Variants in NOX4 observed in about 807,000 individuals in gnomAD.
The protein encoded by NOX4 is kidney oxidase-1.
A neutral mutation model predicts 87.6 loss-of-function variants in NOX4; 69 were observed. That is an observed-to-expected ratio of 0.79 (90% CI 0.65 to 0.96). The LOEUF (loss-of-function observed/expected upper bound fraction) is 0.96. NOX4 is among the 40% of genes least tolerant of loss of function. The probability of loss-of-function intolerance (pLI) is 0.00; values close to 1 mark genes in which losing one functional copy is unlikely to be tolerated. For synonymous variants in NOX4, 275 were observed against 238.2 expected (o/e 1.15, Z -1.42); for missense variants, 680 against 681.5 (o/e 1.00, Z 0.02).
the NOX4 span, among the ~76,000 whole-genome samples, chr11:89,541,318 C>A: frequency 6.6e-6 from 1 of 152,080 alleles, no homozygotes; most frequent in Non-Finnish European, 1.5e-5. Flanking sequence ...AAATTTCCAC[C>A]ACTCCCTAAG....
At chr11:89,376,642 G>C (rs527243360) in intron 11 of NOX4, among the ~76,000 whole-genome samples, 1 of 152,148 alleles carries the variant, frequency 6.6e-6, no homozygotes, top group Non-Finnish European at 1.5e-5. Flanking sequence ...TAGCACTTTG[G>C]GAGGCCGGGG....
the NOX4 span, among the ~76,000 whole-genome samples, chr11:89,565,644 A>C: frequency 6.6e-6 from 1 of 151,994 alleles, no homozygotes; most frequent in East Asian, 1.9e-4. Context: ...GATAAGAAAA[A>C]TTTTTGCACC....
At chr11:89,527,427 C>T in the NOX4 span, among the ~76,000 whole-genome samples, 1 of 152,130 alleles carries the variant, frequency 6.6e-6, no homozygotes, top group Non-Finnish European at 1.5e-5. Context: ...ATCAGCAAGA[C>T]AACAGAAATA....
At chr11:89,401,698 G>A (rs2135184777) in intron 9 of NOX4, among the ~76,000 whole-genome samples, 1 of 152,144 alleles carries the variant, frequency 6.6e-6, no homozygotes, top group East Asian at 1.9e-4. Context: ...AAAGACCTGG[G>A]TTTACATGCT....
chr11:89,527,513 G>A, the NOX4 span, among the ~76,000 whole-genome samples: 2 of 152,162 alleles, frequency 1.3e-5, no homozygotes, highest in Non-Finnish European at 2.9e-5. Context: ...GGGAAAACTG[G>A]TTTTGTGGGC....
chr11:89,522,950 C>T, the NOX4 span, among the ~76,000 whole-genome samples: 2 of 152,170 alleles, frequency 1.3e-5, no homozygotes, highest in Admixed American at 6.5e-5. Flanking sequence ...ACAAACTTAA[C>T]TCACTTAGCT....
At chr11:89,482,393 T>C (rs1372744383) in intron 2 of NOX4, among the ~76,000 whole-genome samples, 4 of 152,074 alleles carry the variant, frequency 2.6e-5, no homozygotes, top group Non-Finnish European at 5.9e-5. Flanking sequence ...TTGGACACAA[T>C]CTTTAAAGGG....
chr11:89,398,877 C>G (rs933227594), intron 11 of NOX4, among the ~76,000 whole-genome samples: 27 of 151,724 alleles, frequency 1.8e-4, no homozygotes, highest in Non-Finnish European at 4.4e-5. Context: ...GAGGCACATA[C>G]AGTAATATGG....
chr11:89,409,413 C>A (rs1438031496), intron 8 of NOX4, among the ~76,000 whole-genome samples: 1 of 152,028 alleles, frequency 6.6e-6, no homozygotes, highest in Non-Finnish European at 1.5e-5. Context: ...TAAGAAAATC[C>A]ATTAATATAT....
At chr11:89,564,785 T>C in the NOX4 span, among the ~76,000 whole-genome samples, 1 of 151,784 alleles carries the variant, frequency 6.6e-6, no homozygotes, top group Non-Finnish European at 1.5e-5. Flanking sequence ...CATCCCAATG[T>C]GCATAGTGGG....
intron 11 of NOX4, among the ~76,000 whole-genome samples, chr11:89,378,863 G>A (rs957285215): frequency 2.0e-5 from 3 of 152,018 alleles, no homozygotes; most frequent in Admixed American, 6.6e-5. Flanking sequence ...GAGATCACGC[G>A]GAGCACCGAA....
At chr11:89,508,942 G>A in the NOX4 span, among the ~76,000 whole-genome samples, 1 of 151,986 alleles carries the variant, frequency 6.6e-6, no homozygotes. Context: ...TCAGCACAGA[G>A]ATTTTTTTTA....
chr11:89,341,351 G>A (rs1446255398), intron 14 of NOX4, among the ~76,000 whole-genome samples: 2 of 152,144 alleles, frequency 1.3e-5, no homozygotes, highest in East Asian at 3.9e-4. Context: ...TTGAACTCCT[G>A]GCCTCAAGCG....
intron 2 of NOX4, among the ~76,000 whole-genome samples, chr11:89,481,273 G>A (rs1019729108): frequency 2.0e-5 from 3 of 151,062 alleles, no homozygotes; most frequent in Admixed American, 6.6e-5. Flanking sequence ...ATGTGTGTGT[G>A]TATATATATA....
chr11:89,328,574 C>T (rs1945313641), intron 17 of NOX4, among the ~76,000 whole-genome samples: 1 of 152,076 alleles, frequency 6.6e-6, no homozygotes, highest in Non-Finnish European at 1.5e-5. Context: ...TGGCAACTAA[C>T]ATTTAAACTT....
At chr11:89,575,619 C>T in the NOX4 span, among the ~76,000 whole-genome samples, 3 of 152,100 alleles carry the variant, frequency 2.0e-5, no homozygotes, top group Non-Finnish European at 4.4e-5. Flanking sequence ...CCACTCACTC[C>T]ATCAATAAAA....
the NOX4 span, among the ~76,000 whole-genome samples, chr11:89,510,394 A>G: frequency 6.6e-6 from 1 of 151,908 alleles, no homozygotes; most frequent in Non-Finnish European, 1.5e-5. Flanking sequence ...CTTACAAAAT[A>G]CTCTTCCATA....
At chr11:89,401,354 C>T (rs1941844367) in intron 9 of NOX4, among the ~76,000 whole-genome samples, 3 of 151,866 alleles carry the variant, frequency 2.0e-5, no homozygotes, top group Admixed American at 2.0e-4. Context: ...CCATACCTGC[C>T]CTAATATTTG....
the NOX4 span, among the ~76,000 whole-genome samples, chr11:89,544,005 C>CT: frequency 8.6e-5 from 13 of 151,916 alleles, no homozygotes; most frequent in African/African-American, 3.1e-4. Context: ...ATCCTGTGCT[C>CT]TTTTTTGTAA....
Sources: gnomAD v4.1 joint callset for allele counts (sites outside exome capture counted in the v4.1 genomes callset) on GRCh38, gnomAD v4.1.1 for gene constraint, MANE v1.5 for transcripts, NCBI Gene and HGNC (gene_info 2026-07-23, HGNC 2026-07-21) for gene names.